Variants in AMD1 observed in about 807,000 individuals in gnomAD.
AMD1 encodes adenosylmethionine decarboxylase 1, also known as S-adenosylmethionine decarboxylase proenzyme.
Under a neutral mutation model 40.2 loss-of-function variants are expected in AMD1, and 11 were observed. That is an observed-to-expected ratio of 0.27 (90% CI 0.17 to 0.45). The LOEUF is 0.45. AMD1 is among the 20% of genes least tolerant of loss of function. The pLI is 1.00. For missense variants in AMD1, 257 were observed against 410.2 expected, an observed-to-expected ratio of 0.63 and a Z score of 3.23; for synonymous variants, 121 against 130.8, an observed-to-expected ratio of 0.93 and a Z score of 0.51.
the AMD1 span, among the ~76,000 whole-genome samples, chr6:110,822,851 A>G: frequency 3.9e-5 from 6 of 152,338 alleles, no homozygotes; most frequent in South Asian, 1.2e-3. Flanking sequence ...ACAGTGGCTC[A>G]TGCCTGTAAT....
At chr6:110,820,393 T>C in the AMD1 span, among the ~76,000 whole-genome samples, 1 of 151,880 alleles carries the variant, frequency 6.6e-6, no homozygotes, top group Admixed American at 6.5e-5. Flanking sequence ...TGCACTCGCA[T>C]GCCCGCCTAA....
chr6:110,892,535 AAGTGC>A, intron 6 of AMD1, 92 bp downstream of exon 6: 1 of 1,559,242 alleles, frequency 6.4e-7, no homozygotes. Flanking sequence ...TCAGGGTAAC[AAGTGC>A]TAGTTTGTTA....
chr6:110,815,440 G>T, the AMD1 span: 1 of 252,656 alleles, frequency 4.0e-6, no homozygotes, highest in Non-Finnish European at 7.4e-6. Context: ...GCCGCGCCGT[G>T]GCTTCCTCGA....
the AMD1 span, among the ~76,000 whole-genome samples, chr6:110,839,772 T>C: frequency 2.6e-5 from 4 of 152,196 alleles, no homozygotes; most frequent in Non-Finnish European, 5.9e-5. Context: ...AAGACAATTA[T>C]AATTGGAGCT....
the AMD1 span, among the ~76,000 whole-genome samples, chr6:110,824,588 G>A: frequency 6.6e-6 from 1 of 152,126 alleles, no homozygotes; most frequent in Non-Finnish European, 1.5e-5. Flanking sequence ...TAAAATGTAT[G>A]TTTTTAAAAA....
chr6:110,889,880 T>G (rs760658773), intron 3 of AMD1: 1 of 165,284 alleles, frequency 6.1e-6, no homozygotes, highest in East Asian at 1.8e-4. Context: ...AAAACTAATA[T>G]GTTATTCCCC....
chr6:110,874,457 C>T (rs1184235379), upstream of AMD1, among the ~76,000 whole-genome samples: 1 of 151,556 alleles, frequency 6.6e-6, no homozygotes, highest in Non-Finnish European at 1.5e-5. Context: ...TTCTGCTAAT[C>T]ATTTTTTTTT....
chr6:110,857,339 C>T, the AMD1 span, among the ~76,000 whole-genome samples: 2 of 151,810 alleles, frequency 1.3e-5, no homozygotes, highest in Admixed American at 1.3e-4. Flanking sequence ...TCTAGACCAG[C>T]CTGACCAATA....
At chr6:110,853,462 C>G in the AMD1 span, among the ~76,000 whole-genome samples, 6 of 152,072 alleles carry the variant, frequency 3.9e-5, no homozygotes, top group African/African-American at 1.4e-4. Flanking sequence ...CGCGAGCCAC[C>G]ATGCCCAGCT....
At position 110,892,428 on chromosome 6, in the gene AMD1, A is replaced by C; in HGVS notation, c.600A>C (p.Ala200=). 6.2e-7 allele frequency: 1 copy of C among 1,612,260 alleles called. No homozygotes were observed. The change falls in exon 6 of 9, where the codon GCA becomes GCC. Residue 200 remains alanine (A), a synonymous_variant. Transcript: ENST00000368885. ...TCTACATGAAAGATGGTGTTACTGCAAAGGATGTCACTCGTGTAAGCATTT... is the reference window on the plus strand; with the variant it reads ...TCTACATGAAAGATGGTGTTACTGCCAAGGATGTCACTCGTGTAAGCATTT... ...DQFYMKDGVT[A]KDVTRESGIR...
the AMD1 span, among the ~76,000 whole-genome samples, chr6:110,838,517 G>C: frequency 1.2e-4 from 18 of 152,252 alleles, no homozygotes; most frequent in Middle Eastern, 3.4e-3. Flanking sequence ...AGGTCTGCTA[G>C]TATGAAGCAC....
intron 1 of AMD1, among the ~76,000 whole-genome samples, chr6:110,883,989 G>A (rs1373469406): frequency 6.6e-6 from 1 of 152,196 alleles, no homozygotes; most frequent in Non-Finnish European, 1.5e-5. Flanking sequence ...GTTGAAGAAA[G>A]TAAACCTATA....
chr6:110,862,915 T>A, the AMD1 span, among the ~76,000 whole-genome samples: 1 of 150,568 alleles, frequency 6.6e-6, no homozygotes, highest in Non-Finnish European at 1.5e-5. Flanking sequence ...GAAAACCAAG[T>A]TCAGTTTTTT....
At chr6:110,858,260 AAGG>A in the AMD1 span, 1 of 954,660 alleles carries the variant, frequency 1.0e-6, no homozygotes, top group Admixed American at 2.0e-5. Flanking sequence ...GCAGTTCAAC[AAGG>A]ACCCCTCGTA....
the AMD1 span, among the ~76,000 whole-genome samples, chr6:110,857,921 A>G: frequency 4.0e-5 from 6 of 151,812 alleles, no homozygotes; most frequent in Non-Finnish European, 8.8e-5. Flanking sequence ...TATAGCCTAG[A>G]ACTTCTGAAC....
chr6:110,863,597 T>C, the AMD1 span, among the ~76,000 whole-genome samples: 1 of 149,932 alleles, frequency 6.7e-6, no homozygotes, highest in African/African-American at 2.5e-5. Context: ...CTTGAACGCC[T>C]GACCTCAGGT....
the AMD1 span, among the ~76,000 whole-genome samples, chr6:110,853,307 T>C: frequency 7.2e-6 from 1 of 138,112 alleles, no homozygotes; most frequent in East Asian, 3.5e-4. Context: ...GTTTGTGGGT[T>C]TTTTGTTTTT....
At chr6:110,851,966 G>C in the AMD1 span, among the ~76,000 whole-genome samples, 7 of 151,976 alleles carry the variant, frequency 4.6e-5, no homozygotes, top group East Asian at 9.7e-4. Flanking sequence ...TTTTTAAAAT[G>C]TGCATAAATT....
the AMD1 span, among the ~76,000 whole-genome samples, chr6:110,860,873 AG>A: frequency 7.5e-6 from 1 of 133,868 alleles, no homozygotes; most frequent in African/African-American, 3.0e-5. Flanking sequence ...ACACACACAG[AG>A]AGAGAGAACA....
Sources: allele counts gnomAD v4.1 joint callset (sites outside exome capture counted in the v4.1 genomes callset), GRCh38; gene constraint gnomAD v4.1.1; transcripts MANE v1.5; gene names NCBI Gene and HGNC (gene_info 2026-07-23, HGNC 2026-07-21).